The following IQUB variants were observed in gnomAD, a reference collection of about 807,000 sequenced individuals.
IQUB encodes IQ motif and ubiquitin domain containing, also known as IQ motif and ubiquitin-like domain-containing protein.
Under a neutral mutation model 86.4 loss-of-function variants are expected in IQUB, and 86 were observed. That is an observed-to-expected ratio of 1.00 (90% confidence interval 0.84 to 1.19). The LOEUF (loss-of-function observed/expected upper bound fraction) is 1.19, where lower values mean the gene tolerates loss of function less well. IQUB is among the 50% of genes most tolerant of loss of function. The pLI is 0.00. For synonymous variants in IQUB, 289 were observed against 304.5 expected (o/e 0.95, Z 0.53); for missense variants, 946 against 916.9 (o/e 1.03, Z -0.41).
At chr7:123,506,888 A>G (rs1170144241) in intron 3 of IQUB, among the ~76,000 whole-genome samples, 2 of 152,172 alleles carry the variant, frequency 1.3e-5, no homozygotes, top group Non-Finnish European at 2.9e-5. Context: ...AATTTTTATG[A>G]TGCTATTGTT....
At chr7:123,474,950 C>A (rs1475220059) in intron 8 of IQUB, among the ~76,000 whole-genome samples, 1 of 152,210 alleles carries the variant, frequency 6.6e-6, no homozygotes, top group Non-Finnish European at 1.5e-5. Flanking sequence ...ATTCTTGTGG[C>A]TAACTTCATC....
chr7:123,464,595 G>A (rs1794161047), intron 10 of IQUB, among the ~76,000 whole-genome samples: 1 of 151,868 alleles, frequency 6.6e-6, no homozygotes, highest in Non-Finnish European at 1.5e-5. Context: ...GCAATATTCA[G>A]TTGGAAAGTT....
chr7:123,505,208 G>A (rs914375464), intron 3 of IQUB, among the ~76,000 whole-genome samples: 3 of 152,158 alleles, frequency 2.0e-5, no homozygotes, highest in Middle Eastern at 3.2e-3. Flanking sequence ...GGCTCAGCTC[G>A]CATGGCTGCT....
At chr7:123,529,820 G>C (rs1340264597) in intron 1 of IQUB, among the ~76,000 whole-genome samples, 10 of 150,678 alleles carry the variant, frequency 6.6e-5, no homozygotes, top group Admixed American at 2.7e-4. Flanking sequence ...GGATCACAAG[G>C]TCAGGAGATC....
chr7:123,502,518 T>C (rs958045992), intron 6 of IQUB, 79 bp downstream of exon 6: 1 of 1,267,966 alleles, frequency 7.9e-7, no homozygotes, highest in Non-Finnish European at 1.1e-6. Context: ...CAAATGTGGC[T>C]TGGAGAAAGA....
At chr7:123,518,837 G>T (rs1246329318) in intron 1 of IQUB, among the ~76,000 whole-genome samples, 1 of 151,886 alleles carries the variant, frequency 6.6e-6, no homozygotes, top group Non-Finnish European at 1.5e-5. Flanking sequence ...CAGGTGATCT[G>T]CCCACCTCAG....
chr7:123,502,321 G>A (rs1448817126), intron 6 of IQUB: 9 of 378,406 alleles, frequency 2.4e-5, no homozygotes, highest in African/African-American at 4.3e-5. Context: ...TAAGGCCAAG[G>A]GACAGCAGTG....
chr7:123,525,274 T>C (rs1797138825), intron 1 of IQUB, among the ~76,000 whole-genome samples: 1 of 152,076 alleles, frequency 6.6e-6, no homozygotes, highest in Non-Finnish European at 1.5e-5. Context: ...TCAGAAGGAA[T>C]GGTACCATTT....
chr7:123,481,292 A>G (rs1216352983), intron 7 of IQUB, among the ~76,000 whole-genome samples: 5 of 151,980 alleles, frequency 3.3e-5, no homozygotes, highest in African/African-American at 1.2e-4. Flanking sequence ...TATTTCTTCA[A>G]TTGTGCATCA....
At chr7:123,491,078 C>T (rs978954510) in intron 7 of IQUB, among the ~76,000 whole-genome samples, 1 of 152,060 alleles carries the variant, frequency 6.6e-6, no homozygotes, top group South Asian at 2.1e-4. Context: ...CTGAAAAATC[C>T]CCAACTATTT....
intron 6 of IQUB, among the ~76,000 whole-genome samples, chr7:123,500,485 C>T (rs1033963652): frequency 6.6e-6 from 1 of 151,748 alleles, no homozygotes; most frequent in African/African-American, 2.4e-5. Flanking sequence ...TCAGTAGTCA[C>T]GCAAAATATC....
At chr7:123,463,891 A>G (rs1490946756) in intron 10 of IQUB, among the ~76,000 whole-genome samples, 1 of 151,814 alleles carries the variant, frequency 6.6e-6, no homozygotes, top group African/African-American at 2.4e-5. Flanking sequence ...GCTCAGACAA[A>G]TGAAACACTG....
At chr7:123,470,647 C>T (rs1021892206) in intron 8 of IQUB, among the ~76,000 whole-genome samples, 1 of 152,020 alleles carries the variant, frequency 6.6e-6, no homozygotes, top group Non-Finnish European at 1.5e-5. Flanking sequence ...GTCAGGAGAT[C>T]GAGACCATCC....
At chr7:123,522,359 T>G (rs1460675934) in intron 1 of IQUB, among the ~76,000 whole-genome samples, 1 of 152,194 alleles carries the variant, frequency 6.6e-6, no homozygotes, top group Admixed American at 6.5e-5. Context: ...AGTGACTAAT[T>G]TATTAGTTTG....
In IQUB at chr7:123,480,963, T is replaced by C. The variant is rs143705572; in HGVS notation, c.1235-993A>G. ...TACATGCATTTTACCAAGTTTTCCA[T>C]TTAATTTTTACATATACTAAATTTG... On this transcript the variant is annotated intron_variant, in intron 7 of 12. Coordinates refer to ENST00000324698, the MANE Select transcript of IQUB (RefSeq NM_178827.5). Among the ~76,000 whole-genome samples the C allele has an allele frequency of 1.3e-3, 196 of 152,270 alleles. 2 individuals are homozygous for C. Among genetic ancestry groups the C allele is most frequent in the African/African-American group, 4.7e-3 (194 of 41,568 alleles).
At chr7:123,474,970 AT>A (rs1209360529) in intron 8 of IQUB, among the ~76,000 whole-genome samples, 7 of 152,102 alleles carry the variant, frequency 4.6e-5, no homozygotes, top group Admixed American at 2.0e-4. Context: ...CCTTCCCTCA[AT>A]TCTCTGCCTT....
At chr7:123,525,922 A>G (rs1797182407) in intron 1 of IQUB, among the ~76,000 whole-genome samples, 1 of 144,112 alleles carries the variant, frequency 6.9e-6, no homozygotes, top group South Asian at 2.3e-4. Flanking sequence ...CGTTGGTTTC[A>G]AAGAACATCT....
At chr7:123,509,626 A>G (rs1796330381) in intron 3 of IQUB, among the ~76,000 whole-genome samples, 1 of 152,168 alleles carries the variant, frequency 6.6e-6, no homozygotes, top group African/African-American at 2.4e-5. Context: ...TTTACACATT[A>G]CATGGTAGCT....
intron 1 of IQUB, among the ~76,000 whole-genome samples, chr7:123,525,438 ATG>A (rs1797148770): frequency 6.6e-6 from 1 of 152,062 alleles, no homozygotes; most frequent in African/African-American, 2.4e-5. Context: ...GGGAGAGTGT[ATG>A]TGTCCAGGAA....
Sources: gnomAD v4.1 joint callset for allele counts (sites outside exome capture counted in the v4.1 genomes callset) on GRCh38, gnomAD v4.1.1 for gene constraint, MANE v1.5 for transcripts, NCBI Gene and HGNC (gene_info 2026-07-23, HGNC 2026-07-21) for gene names.